The following LONP2 variants were observed in gnomAD, a reference collection of about 807,000 sequenced individuals.
LONP2 encodes the protein lon protease homolog 2, peroxisomal.
A neutral mutation model predicts 85.6 loss-of-function variants in LONP2; 60 were observed. That is an observed-to-expected ratio of 0.70 (90% CI 0.57 to 0.87). The LOEUF (loss-of-function observed/expected upper bound fraction) is 0.87, where lower values mean the gene tolerates loss of function less well. Among genes scored for constraint, LONP2 ranks in the 40% least tolerant of loss-of-function variants. The probability of loss-of-function intolerance (pLI) is 0.00; values close to 1 mark genes in which losing one functional copy is unlikely to be tolerated. For missense variants in LONP2, 860 were observed against 1,063.5 expected, an observed-to-expected ratio of 0.81 and a Z score of 2.66; for synonymous variants, 395 against 389.7, an observed-to-expected ratio of 1.01 and a Z score of -0.16.
At position 48,353,170 on chromosome 16, in the gene LONP2, T is replaced by G. The variant is rs1304409234; in HGVS notation, c.*1368T>G. ...CTTCAGAATCTTTTATTACACAATA[T>G]AAGAATATGTATGTAAAGACATTTT... On this transcript the variant is annotated 3_prime_UTR_variant, in exon 15 of 15. Coordinates refer to ENST00000285737, the MANE Select transcript of LONP2 (RefSeq NM_031490.5). The G allele has an allele frequency of 2.0e-5, 3 of 152,156 alleles. No individual in the cohort carries two copies. The highest frequency in any genetic ancestry group is 4.4e-5 in the Non-Finnish European group (3 of 68,036). 9.4% of individuals were successfully genotyped at this position (152,156 alleles called of 1,614,324 possible). A position where few individuals can be genotyped will look rare whatever the true frequency, so the allele number is the denominator to read the frequency against.
intron 11 of LONP2, among the ~76,000 whole-genome samples, chr16:48,314,491 G>T (rs934442718): frequency 1.3e-5 from 2 of 152,052 alleles, no homozygotes; most frequent in Non-Finnish European, 2.9e-5. Context: ...TTTTGTATAA[G>T]GTGTAAGGAA....
At chr16:48,359,544 C>T (rs914356407), downstream of LONP2, among the ~76,000 whole-genome samples, 7 of 151,956 alleles carry the variant, frequency 4.6e-5, no homozygotes, top group South Asian at 2.1e-4. Flanking sequence ...GGTGAAACCC[C>T]GTCTCTACTA....
rs774149748 is a variant in LONP2 at position 48,351,720 on chromosome 16, G to A, written c.2477G>A (p.Cys826Tyr). 5.0e-6 allele frequency: 8 copies of A among 1,614,184 alleles called. No homozygotes were observed. The Admixed American group carries it at 1.3e-4, about 27-fold the overall frequency. ...RQDLSFVTAS[C>Y]LDEVLNAAFD... Reference sequence around the variant, plus strand: ...GATTTAAGTTTTGTCACAGCAAGCTGCCTGGATGAGGTTCTTAATGCAGCT... The same window carrying A: ...GATTTAAGTTTTGTCACAGCAAGCTACCTGGATGAGGTTCTTAATGCAGCT... Residue 826 changes from cysteine (C) to tyrosine (Y), a missense_variant, in exon 15 of 15, where the codon TGC becomes TAC. Physicochemically the swap from Cys to Tyr is radical, Grantham distance 194 (BLOSUM62 -2). Coordinates refer to ENST00000285737, the MANE Select transcript of LONP2 (RefSeq NM_031490.5).
At position 48,303,217 on chromosome 16, in the gene LONP2, G is replaced by C; in HGVS notation, c.1707G>C (p.Gly569=). Residue 569 remains glycine, a synonymous_variant, in exon 11 of 15, where the codon GGG becomes GGC. Transcript: ENST00000285737. ...AGVRSLDRKL[G]AICRAVAVKV... ...TTCGTTCTCTGGATAGAAAACTTGG[G>C]GCCATTTGCCGAGCTGTGGCCGTGA... 6.2e-7 allele frequency: 1 copy of C among 1,614,064 alleles called. No individual in the cohort carries two copies. Among genetic ancestry groups the C allele is most frequent in the Non-Finnish European group, 8.5e-7 (1 of 1,180,008 alleles).
intron 8 of LONP2, among the ~76,000 whole-genome samples, chr16:48,291,960 G>A (rs894338972): frequency 1.3e-5 from 2 of 152,190 alleles, no homozygotes; most frequent in Non-Finnish European, 2.9e-5. Context: ...ATGATTGTGA[G>A]GGCTTCAGTA....
In LONP2 at chr16:48,261,553, C is replaced by A; in HGVS notation, c.853C>A (p.Gln285Lys). ...KKIRTSSMPEQAHKVCVKEIK... is the reference protein window; with the variant it reads ...KKIRTSSMPEKAHKVCVKEIK... ...AATACGAACATCTAGTATGCCAGAG[C>A]AGGCCCATAAAGTCTGTGTCAAAGA... Residue 285 changes from glutamine (Q) to lysine (K), a missense_variant, in exon 5 of 15, where the codon CAG becomes AAG. Gln to Lys is a moderately conservative substitution (Grantham distance 53). Around this residue, in one of 3 missense-constraint regions of LONP2, gnomAD observed 743 missense variants for 917.3 expected, o/e 0.81. Coordinates refer to ENST00000285737, the MANE Select transcript of LONP2 (RefSeq NM_031490.5). 2 of 1,597,372 alleles carry A rather than the reference C, an allele frequency of 1.3e-6. No homozygotes were observed. Among genetic ancestry groups the A allele is most frequent in the Middle Eastern group, 1.7e-4 (1 of 6,022 alleles).
chr16:48,295,647 T>C (rs1257584801), intron 8 of LONP2, among the ~76,000 whole-genome samples: 3 of 152,230 alleles, frequency 2.0e-5, no homozygotes, highest in African/African-American at 7.2e-5. Flanking sequence ...TTGCTTTATA[T>C]TCCCATAGCA....
At chr16:48,361,647 G>C (rs765186722), downstream of LONP2, 1 of 1,612,890 alleles carries the variant, frequency 6.2e-7, no homozygotes, top group Admixed American at 1.7e-5. Flanking sequence ...TGCAATGCTG[G>C]TGTCAAAGAC....
At position 48,303,284 on chromosome 16, in the gene LONP2, T is replaced by C. The variant is rs1361271160; in HGVS notation, c.1774T>C (p.Ser592Pro). The C allele has an allele frequency of 6.2e-7, 1 of 1,613,904 alleles. No homozygotes were observed. The highest frequency in any genetic ancestry group is 1.3e-5 in the African/African-American group (1 of 74,904). Residue 592 changes from serine to proline, a missense_variant, in exon 11 of 15, where the codon TCT (serine) becomes CCT (proline). By Grantham distance (74) the Ser-to-Pro change is moderately conservative. Transcript: ENST00000285737. ...GCATAAGGAAGCCAAGTTGGACCGT[T>C]CTGATGTGACTGAGAGAGAAGGTTG... ...GQHKEAKLDR[S>P]DVTEREGCRE...
intron 8 of LONP2, among the ~76,000 whole-genome samples, chr16:48,280,985 A>G (rs1175404974): frequency 2.0e-5 from 3 of 152,200 alleles, no homozygotes; most frequent in African/African-American, 7.2e-5. Flanking sequence ...ATTACACAAC[A>G]CGTTACATTT....
At chr16:48,333,672 G>GAGAGAGAGAA (rs1491148421) in intron 11 of LONP2, among the ~76,000 whole-genome samples, 4 of 151,280 alleles carry the variant, frequency 2.6e-5, no homozygotes, top group African/African-American at 9.7e-5. Flanking sequence ...GTGTTGGGGG[G>GAGAGAGAGAA]AGAGAGAGAA....
At chr16:48,295,236 G>A (rs376081079) in intron 8 of LONP2, among the ~76,000 whole-genome samples, 1 of 152,164 alleles carries the variant, frequency 6.6e-6, no homozygotes, top group Non-Finnish European at 1.5e-5. Flanking sequence ...GCCAGGCATG[G>A]TGGCGCACAC....
intron 7 of LONP2, among the ~76,000 whole-genome samples, chr16:48,276,354 T>G (rs1363803200): frequency 2.0e-5 from 3 of 152,194 alleles, no homozygotes; most frequent in Non-Finnish European, 4.4e-5. Flanking sequence ...GTGAATCGGC[T>G]TTGTGCAGAT....
chr16:48,357,880 A>C (rs1960435360), downstream of LONP2, among the ~76,000 whole-genome samples: 1 of 152,332 alleles, frequency 6.6e-6, no homozygotes, highest in East Asian at 1.9e-4. Flanking sequence ...ACTGTTCCCC[A>C]AAAATTAACA....
chr16:48,342,921 T>C (rs1429796023), intron 12 of LONP2, among the ~76,000 whole-genome samples: 1 of 152,212 alleles, frequency 6.6e-6, no homozygotes, highest in Non-Finnish European at 1.5e-5. Flanking sequence ...CTGTGTCTCA[T>C]GTGGCACCGT....
chr16:48,330,691 G>C (rs977018583), intron 11 of LONP2, among the ~76,000 whole-genome samples: 2 of 152,194 alleles, frequency 1.3e-5, no homozygotes, highest in African/African-American at 4.8e-5. Flanking sequence ...GGGTGACTCA[G>C]AATCCAGTGC....
chr16:48,276,490 A>T (rs1010058679), intron 7 of LONP2, among the ~76,000 whole-genome samples: 1 of 152,218 alleles, frequency 6.6e-6, no homozygotes, highest in Non-Finnish European at 1.5e-5. Context: ...AATTAAAATT[A>T]GTAAATTGCT....
At chr16:48,286,520 T>G (rs1972446466) in intron 8 of LONP2, among the ~76,000 whole-genome samples, 1 of 152,118 alleles carries the variant, frequency 6.6e-6, no homozygotes, top group Non-Finnish European at 1.5e-5. Context: ...TTTTCTTTTT[T>G]GAGACAGGGT....
At position 48,292,493 on chromosome 16, in the gene LONP2, C is replaced by T. The variant is rs192504391; in HGVS notation, c.1384-3522C>T. On this transcript the variant is annotated intron_variant, in intron 8 of 14. Coordinates refer to ENST00000285737, the MANE Select transcript of LONP2 (RefSeq NM_031490.5). ...GGGGTCCTGAGATTTACTTTCCTTT[C>T]ACACTCTTCCTGAGTAAAAGAGGAA... 2.0e-4 allele frequency among the ~76,000 whole-genome samples: 30 copies of T among 152,250 alleles called. No homozygotes were observed. The East Asian group carries it at 5.0e-3, about 25-fold the overall frequency.
Sources: allele counts gnomAD v4.1 joint callset (sites outside exome capture counted in the v4.1 genomes callset), GRCh38; gene constraint gnomAD v4.1.1; regional missense constraint gnomAD v4.1.1; transcripts MANE v1.5; gene names NCBI Gene and HGNC (gene_info 2026-07-23, HGNC 2026-07-21).